Variants in PGPEP1L observed in about 807,000 individuals in gnomAD.
PGPEP1L encodes pyroglutamyl-peptidase 1-like protein.
Under a neutral mutation model 6.0 loss-of-function variants are expected in PGPEP1L, and 7 were observed. The ratio of observed to expected loss-of-function variants is 1.17; its 90% confidence interval spans 0.66 to 2.19. PGPEP1L has a LOEUF of 2.19. PGPEP1L is among the 30% of genes most tolerant of loss of function. The pLI is 0.00. For synonymous variants in PGPEP1L, 103 were observed against 83.9 expected, an observed-to-expected ratio of 1.23 and a Z score of -1.24; for missense variants, 209 against 192.5, an observed-to-expected ratio of 1.09 and a Z score of -0.51.
chr15:98,978,706 G>GTATATATATATA (rs60484400), intron 2 of PGPEP1L, among the ~76,000 whole-genome samples: 3 of 90,576 alleles, frequency 3.3e-5, no homozygotes, highest in African/African-American at 8.9e-5. Context: ...ATTAGACTGT[G>GTATATATATATA]TATATATATA....
chr15:98,969,283 A>T, intron 4 of PGPEP1L, 142 bp downstream of exon 4: 1 of 1,017,680 alleles, frequency 9.8e-7, no homozygotes, highest in East Asian at 2.5e-5. Context: ...TGCACACAGC[A>T]AAGAGGGGCA....
chr15:99,006,025 A>G (rs1231479207), intron 1 of PGPEP1L, among the ~76,000 whole-genome samples: 4 of 152,214 alleles, frequency 2.6e-5, no homozygotes, highest in African/African-American at 9.7e-5. Flanking sequence ...TCCACAAAAT[A>G]TGTGAGATGT....
At chr15:99,000,868 G>A (rs1555472925) in intron 2 of PGPEP1L, among the ~76,000 whole-genome samples, 2 of 152,106 alleles carry the variant, frequency 1.3e-5, no homozygotes, top group Admixed American at 1.3e-4. Flanking sequence ...TCCACACTGT[G>A]GAAGCTTTGT....
chr15:98,974,625 G>C (rs557357463), intron 2 of PGPEP1L, among the ~76,000 whole-genome samples: 3 of 151,796 alleles, frequency 2.0e-5, no homozygotes, highest in Non-Finnish European at 2.9e-5. Context: ...GGCCGGGCGC[G>C]GTGGCTCATG....
At chr15:98,998,707 G>C (rs1281093157) in intron 2 of PGPEP1L, among the ~76,000 whole-genome samples, 2 of 152,202 alleles carry the variant, frequency 1.3e-5, no homozygotes, top group African/African-American at 4.8e-5. Context: ...GCCTGGCATG[G>C]TGGCTCATGC....
intron 2 of PGPEP1L, among the ~76,000 whole-genome samples, chr15:98,988,588 C>A (rs1202708858): frequency 6.6e-6 from 1 of 152,238 alleles, no homozygotes; most frequent in African/African-American, 2.4e-5. Context: ...AACGTCCCTG[C>A]CTGACAGCTC....
intron 2 of PGPEP1L, among the ~76,000 whole-genome samples, chr15:98,989,926 A>C (rs782720630): frequency 6.6e-5 from 10 of 152,218 alleles, no homozygotes; most frequent in Non-Finnish European, 1.2e-4. Flanking sequence ...CAGACAAGCA[A>C]GTGCTGAGAG....
At chr15:99,004,716 C>A (rs1176664980) in intron 2 of PGPEP1L, among the ~76,000 whole-genome samples, 2 of 151,344 alleles carry the variant, frequency 1.3e-5, no homozygotes, top group Non-Finnish European at 2.9e-5. Context: ...GACTCTGTCT[C>A]AAAAAAAAAT....
At chr15:99,003,758 T>C (rs1242752105) in intron 2 of PGPEP1L, among the ~76,000 whole-genome samples, 1 of 147,890 alleles carries the variant, frequency 6.8e-6, no homozygotes. Context: ...AATTTCCAGT[T>C]TGCCAGCAAA....
At chr15:98,990,804 G>A (rs2017808735) in intron 2 of PGPEP1L, among the ~76,000 whole-genome samples, 1 of 152,200 alleles carries the variant, frequency 6.6e-6, no homozygotes, top group Non-Finnish European at 1.5e-5. Flanking sequence ...TCAGGATTAA[G>A]AAACTCACTC....
At chr15:98,999,003 G>T (rs1427762940) in intron 2 of PGPEP1L, among the ~76,000 whole-genome samples, 2 of 152,060 alleles carry the variant, frequency 1.3e-5, no homozygotes, top group African/African-American at 2.4e-5. Context: ...AAGTTTTTTG[G>T]GGGGAAGGAG....
At chr15:98,971,427 G>A (rs988648976) in intron 2 of PGPEP1L, among the ~76,000 whole-genome samples, 1 of 152,124 alleles carries the variant, frequency 6.6e-6, no homozygotes, top group African/African-American at 2.4e-5. Flanking sequence ...CTGGGAGGTG[G>A]AGGTTGCAGT....
intron 2 of PGPEP1L, among the ~76,000 whole-genome samples, chr15:98,972,526 CT>C (rs1234326175): frequency 6.6e-6 from 1 of 151,958 alleles, no homozygotes; most frequent in Non-Finnish European, 1.5e-5. Flanking sequence ...TAGTAAACAC[CT>C]GCCTATCAAT....
At chr15:99,001,890 G>C (rs940426614) in intron 2 of PGPEP1L, among the ~76,000 whole-genome samples, 1 of 152,026 alleles carries the variant, frequency 6.6e-6, no homozygotes, top group Non-Finnish European at 1.5e-5. Flanking sequence ...GCTAATTTTT[G>C]TATTTTTAGT....
intron 2 of PGPEP1L, among the ~76,000 whole-genome samples, chr15:98,971,689 T>G (rs2017500038): frequency 6.6e-6 from 1 of 152,128 alleles, no homozygotes; most frequent in Non-Finnish European, 1.5e-5. Context: ...GATACTAACA[T>G]GTAACAAGAA....
chr15:98,989,507 G>A (rs1390590130), intron 2 of PGPEP1L, among the ~76,000 whole-genome samples: 2 of 152,222 alleles, frequency 1.3e-5, no homozygotes, highest in East Asian at 3.8e-4. Flanking sequence ...CGTTTGATTG[G>A]TGTACCTGAA....
chr15:98,975,678 T>G (rs1442340727), intron 2 of PGPEP1L, among the ~76,000 whole-genome samples: 1 of 152,090 alleles, frequency 6.6e-6, no homozygotes, highest in African/African-American at 2.4e-5. Context: ...GTCAGGAGTT[T>G]GAGACCAGCC....
chr15:98,983,065 G>A (rs1369003932), intron 2 of PGPEP1L, among the ~76,000 whole-genome samples: 1 of 151,664 alleles, frequency 6.6e-6, no homozygotes, highest in Non-Finnish European at 1.5e-5. Context: ...TGGACTAATT[G>A]GAAAAATGTC....
chr15:99,006,051 A>G (rs1284337362), intron 1 of PGPEP1L, among the ~76,000 whole-genome samples: 10 of 151,060 alleles, frequency 6.6e-5, no homozygotes, highest in Admixed American at 4.0e-4. Context: ...GAAAAAAAAG[A>G]GAGAAAACCA....
Sources: allele counts gnomAD v4.1 joint callset (sites outside exome capture counted in the v4.1 genomes callset), GRCh38; gene constraint gnomAD v4.1.1; transcripts MANE v1.5; gene names NCBI Gene and HGNC (gene_info 2026-07-23, HGNC 2026-07-21).